Variants in PIEZO2 observed in about 807,000 individuals in gnomAD.
PIEZO2 encodes piezo-type mechanosensitive ion channel component 2.
A neutral mutation model predicts 337.3 loss-of-function variants in PIEZO2; 172 were observed. The ratio of observed to expected loss-of-function variants is 0.51; its 90% CI spans 0.45 to 0.58. The LOEUF (loss-of-function observed/expected upper bound fraction) is 0.58, where lower values mean the gene tolerates loss of function less well. PIEZO2 is among the 20% of genes least tolerant of loss of function. The pLI is 0.00. For missense variants in PIEZO2, 3,028 were observed against 3,391.3 expected (o/e 0.89, Z 2.66); for synonymous variants, 1,251 against 1,228.5 (o/e 1.02, Z -0.38).
chr18:11,023,507 G>A (rs892320345), intron 2 of PIEZO2, among the ~76,000 whole-genome samples: 2 of 152,194 alleles, frequency 1.3e-5, no homozygotes, highest in East Asian at 1.9e-4. Flanking sequence ...ATGGAGTGCC[G>A]ATTGGTGTAT....
At position 10,773,661 on chromosome 18, in the gene PIEZO2, G is replaced by C; in HGVS notation, c.2568-32C>G. ...GCAGAGAGCAGCTGAGTCAGAAGAG[G>C]AAAGGGTGTTGGGAGAGATTTGACT... On this transcript the variant is annotated intron_variant, in intron 19 of 55. Coordinates refer to ENST00000674853, the MANE Select transcript of PIEZO2 (RefSeq NM_001378183.1). The surrounding 1 kb of genome is among the most constrained non-coding windows in gnomAD (Gnocchi z 5.3). 2 of 1,530,330 alleles carry C rather than the reference G, an allele frequency of 1.3e-6. No homozygotes were observed. Among genetic ancestry groups the C allele is most frequent in the Non-Finnish European group, 1.8e-6 (2 of 1,140,840 alleles). 94.8% of individuals were successfully genotyped at this position (1,530,330 alleles called of 1,614,324 possible). A position where few individuals can be genotyped will look rare whatever the true frequency, so the allele number is the denominator to read the frequency against.
intron 3 of PIEZO2, among the ~76,000 whole-genome samples, chr18:10,957,303 AAG>A (rs1054522326): frequency 1.3e-5 from 2 of 152,074 alleles, no homozygotes; most frequent in Non-Finnish European, 2.9e-5. Flanking sequence ...GGGCTGAGGT[AAG>A]AGAGTCGCTT....
intron 2 of PIEZO2, among the ~76,000 whole-genome samples, chr18:11,065,880 G>T (rs2038130339): frequency 1.3e-5 from 2 of 152,144 alleles, no homozygotes; most frequent in Non-Finnish European, 2.9e-5. Flanking sequence ...CAGTGATACT[G>T]CCATGCTTAC....
chr18:10,960,335 C>T (rs1430357127), intron 3 of PIEZO2, among the ~76,000 whole-genome samples: 2 of 152,146 alleles, frequency 1.3e-5, no homozygotes, highest in African/African-American at 4.8e-5. Flanking sequence ...TCAAGAAGCA[C>T]TTACAGCCAA....
At chr18:10,944,913 G>A (rs918177350) in intron 3 of PIEZO2, among the ~76,000 whole-genome samples, 3 of 152,124 alleles carry the variant, frequency 2.0e-5, no homozygotes, top group African/African-American at 7.2e-5. Context: ...GCTAACTGTT[G>A]CTACCAGATT....
Position 10,943,617 on chromosome 18 carries a change from A to C in PIEZO2, c.287-32389T>G, listed in dbSNP as rs2145263916. 6.6e-6 allele frequency among the ~76,000 whole-genome samples: 1 copy of C among 152,324 alleles called. No individual in the cohort carries two copies. Among genetic ancestry groups the C allele is most frequent in the Non-Finnish European group, 1.5e-5 (1 of 68,040 alleles). On this transcript the variant is annotated intron_variant, in intron 3 of 55. Transcript: ENST00000674853. The surrounding 1 kb of genome is among the most constrained non-coding windows in gnomAD (Gnocchi z 4.5). ...TTTTACAGGCTCATAAGCAGGAAGG[A>C]ACTTGCCTTGTCTTGGATAATACTT... is the stretch of plus-strand genomic sequence containing the variant.
intron 47 of PIEZO2, among the ~76,000 whole-genome samples, chr18:10,693,087 TG>T (rs1165345699): frequency 6.6e-6 from 1 of 152,204 alleles, no homozygotes; most frequent in East Asian, 1.9e-4. Context: ...GTACAAGTCT[TG>T]TACATGTTTT....
chr18:10,712,870 A>G (rs2035874142), intron 39 of PIEZO2, among the ~76,000 whole-genome samples: 1 of 152,264 alleles, frequency 6.6e-6, no homozygotes, highest in Admixed American at 6.5e-5. Context: ...TGACCTTGAA[A>G]TCATAACGAG....
intron 24 of PIEZO2, among the ~76,000 whole-genome samples, 167 bp downstream of exon 24, chr18:10,760,744 T>G (rs1484257723): frequency 6.6e-6 from 1 of 152,202 alleles, no homozygotes; most frequent in Non-Finnish European, 1.5e-5. Flanking sequence ...TTGGAAAACT[T>G]TCAGTCAAGC....
chr18:10,672,517 T>C lies in PIEZO2; in HGVS notation c.8345+173A>G, dbSNP rs973039608. On this transcript the variant is annotated intron_variant, in intron 55 of 55. Coordinates refer to ENST00000674853, the MANE Select transcript of PIEZO2 (RefSeq NM_001378183.1). This position sits in a 1 kb window ranked among gnomAD's most constrained non-coding sequence, Gnocchi z 4.7. ...AGTCACACTGGGAGTTTTGATCTCT[T>C]TGGGACTCTGGTGCCTCATTTTTTG... Among the ~76,000 whole-genome samples the C allele has an allele frequency of 6.6e-6, 1 of 152,190 alleles. No individual in the cohort carries two copies. The highest frequency in any genetic ancestry group is 1.5e-5 in the Non-Finnish European group (1 of 68,040).
At chr18:10,887,680 A>C (rs767865177) in intron 4 of PIEZO2, among the ~76,000 whole-genome samples, 1 of 152,242 alleles carries the variant, frequency 6.6e-6, no homozygotes, top group African/African-American at 2.4e-5. Flanking sequence ...ATTGGGAAGC[A>C]TGTGTTGCAT....
At position 11,094,914 on chromosome 18, in the gene PIEZO2, C is replaced by A. The variant is rs566353690; in HGVS notation, c.65-28692G>T. On this transcript the variant is annotated intron_variant, in intron 1 of 55. Coordinates refer to ENST00000674853, the MANE Select transcript of PIEZO2 (RefSeq NM_001378183.1). The surrounding 1 kb of genome is among the most constrained non-coding windows in gnomAD (Gnocchi z 4.4). Reference sequence around the variant, plus strand: ...GAAAGCCATCTGAGGAACTCTGTCCCCTCTTCCTACAGCTCCAAAAGCCAC... The same window carrying A: ...GAAAGCCATCTGAGGAACTCTGTCCACTCTTCCTACAGCTCCAAAAGCCAC... Among the ~76,000 whole-genome samples, 1 of 152,322 alleles carries A rather than the reference C, an allele frequency of 6.6e-6. No homozygotes were observed. The highest frequency in any genetic ancestry group is 1.5e-5 in the Non-Finnish European group (1 of 68,040).
intron 7 of PIEZO2, among the ~76,000 whole-genome samples, chr18:10,829,087 TTA>T (rs1315320320): frequency 6.6e-6 from 1 of 152,210 alleles, no homozygotes; most frequent in Non-Finnish European, 1.5e-5. Flanking sequence ...TTGATTGATA[TTA>T]ATTTAATACT....
rs554682817 is a variant in PIEZO2 at position 10,929,052 on chromosome 18, C to T, written c.287-17824G>A. Among the ~76,000 whole-genome samples the T allele has an allele frequency of 1.3e-5, 2 of 152,134 alleles. No homozygotes were observed. The highest frequency in any genetic ancestry group is 2.9e-5 in the Non-Finnish European group (2 of 68,034). On this transcript the variant is annotated intron_variant, in intron 3 of 55. Transcript: ENST00000674853. This position sits in a 1 kb window ranked among gnomAD's most constrained non-coding sequence, Gnocchi z 5.6. ...CTCACTGCTGACTCAAAATGATTTA[C>T]GGTACTTTGCTGAGGTTTTGGCTGA...
chr18:10,884,077 C>T (rs536184522), intron 4 of PIEZO2, among the ~76,000 whole-genome samples: 2 of 152,218 alleles, frequency 1.3e-5, no homozygotes, highest in South Asian at 2.1e-4. Context: ...TCCCAAAGTG[C>T]TGGGATTACA....
At chr18:11,100,842 A>T (rs545548371) in intron 1 of PIEZO2, among the ~76,000 whole-genome samples, 19 of 152,042 alleles carry the variant, frequency 1.2e-4, no homozygotes, top group Admixed American at 1.2e-3. Context: ...TGATCCGCCC[A>T]CCTTGGCCTC....
rs538444262 is a variant in PIEZO2, at chr18:11,038,688, G to A, written c.160+27439C>T. ...ACTGGCCCTACCACTTGCTTAATAA[G>A]TGTTCTTGGGTAAATTATGTATCTT... On this transcript the variant is annotated intron_variant, in intron 2 of 55. Transcript: ENST00000674853. The surrounding 1 kb of genome is among the most constrained non-coding windows in gnomAD (Gnocchi z 4.1). 6.6e-6 allele frequency among the ~76,000 whole-genome samples: 1 copy of A among 152,296 alleles called. No homozygotes were observed. The highest frequency in any genetic ancestry group is 2.1e-4 in the South Asian group (1 of 4,824).
In PIEZO2 at chr18:10,850,739, TA is replaced by T. The variant is rs934903573; in HGVS notation, c.917+4613del. Among the ~76,000 whole-genome samples, 1 of 152,210 alleles carries T rather than the reference TA, an allele frequency of 6.6e-6. No individual in the cohort carries two copies. The highest frequency in any genetic ancestry group is 2.4e-5 in the African/African-American group (1 of 41,460). On this transcript the variant is annotated intron_variant, in intron 7 of 55. Coordinates refer to ENST00000674853, the MANE Select transcript of PIEZO2 (RefSeq NM_001378183.1). This position sits in a 1 kb window ranked among gnomAD's most constrained non-coding sequence, Gnocchi z 4.5. Reference sequence around the variant, plus strand: ...TGCAATATGATTCAAAATTTGTTTGTAAAAAGTACCTATAGACATAAGAAAG... The same window carrying T: ...TGCAATATGATTCAAAATTTGTTTGTAAAAGTACCTATAGACATAAGAAAG...
intron 2 of PIEZO2, among the ~76,000 whole-genome samples, chr18:11,037,329 T>C (rs534124548): frequency 8.5e-5 from 13 of 152,304 alleles, no homozygotes; most frequent in African/African-American, 2.6e-4. Flanking sequence ...AGAAATTGTA[T>C]GCCACGTAAG....
Sources: allele counts gnomAD v4.1 joint callset (sites outside exome capture counted in the v4.1 genomes callset), GRCh38; gene constraint gnomAD v4.1.1; non-coding constraint Gnocchi (gnomAD v3.1); transcripts MANE v1.5; gene names NCBI Gene and HGNC (gene_info 2026-07-23, HGNC 2026-07-21).